The following SYT1 variants were observed in gnomAD, a reference collection of about 807,000 sequenced individuals.
The protein encoded by SYT1 is synaptotagmin-1.
Under a neutral mutation model 44.8 loss-of-function variants are expected in SYT1, and 8 were observed. That is an observed-to-expected ratio of 0.18 (90% CI 0.10 to 0.32). The LOEUF is 0.32. Among genes scored for constraint, SYT1 ranks in the 10% least tolerant of loss-of-function variants. The pLI is 1.00. For synonymous variants in SYT1, 154 were observed against 188.8 expected (o/e 0.82, Z 1.51); for missense variants, 286 against 509.3 (o/e 0.56, Z 4.22).
intron 8 of SYT1, among the ~76,000 whole-genome samples, chr12:79,325,539 C>G (rs1235362967): frequency 6.6e-6 from 1 of 152,148 alleles, no homozygotes; most frequent in Non-Finnish European, 1.5e-5. Flanking sequence ...TAGATGCCAG[C>G]TTTGAGTAAT....
At chr12:79,431,615 C>T (rs985766232) in intron 9 of SYT1, among the ~76,000 whole-genome samples, 31 of 151,582 alleles carry the variant, frequency 2.0e-4, no homozygotes, top group Middle Eastern at 3.4e-3. Flanking sequence ...ACAATCTTGG[C>T]TCACTGCAAC....
At chr12:78,941,065 C>CTTTTTTTTTTTTTTTTTTTTTTTTTTTT (rs398044555) in intron 1 of SYT1, among the ~76,000 whole-genome samples, 2 of 68,442 alleles carry the variant, frequency 2.9e-5, no homozygotes, top group Non-Finnish European at 2.9e-5. Flanking sequence ...CTTTTTTTTT[C>CTTTTTTTTTTTTTTTTTTTTTTTTTTTT]TTTTTTTTTT....
At chr12:78,965,889 C>A (rs1879743099) in intron 1 of SYT1, among the ~76,000 whole-genome samples, 1 of 151,782 alleles carries the variant, frequency 6.6e-6, no homozygotes, top group Non-Finnish European at 1.5e-5. Context: ...CCAGCCTGAC[C>A]AAGATGTTGA....
intron 3 of SYT1, among the ~76,000 whole-genome samples, chr12:79,081,155 C>G (rs745543307): frequency 6.6e-6 from 1 of 152,098 alleles, no homozygotes; most frequent in Non-Finnish European, 1.5e-5. Flanking sequence ...ATATCAAAAG[C>G]TATTGTGTGC....
At chr12:79,368,846 G>T (rs1883667768) in intron 9 of SYT1, among the ~76,000 whole-genome samples, 1 of 152,166 alleles carries the variant, frequency 6.6e-6, no homozygotes, top group South Asian at 2.1e-4. Flanking sequence ...CATTCTGTAG[G>T]TTGCCTGTTC....
intron 9 of SYT1, among the ~76,000 whole-genome samples, chr12:79,407,542 T>G (rs1885286292): frequency 6.6e-6 from 1 of 152,090 alleles, no homozygotes; most frequent in Non-Finnish European, 1.5e-5. Flanking sequence ...GTCATACCAT[T>G]GGGATAGCTC....
At chr12:79,014,699 T>C (rs1217852836) in intron 2 of SYT1, among the ~76,000 whole-genome samples, 7 of 150,250 alleles carry the variant, frequency 4.7e-5, no homozygotes, top group Admixed American at 1.3e-4. Context: ...GACCCAGCCA[T>C]CCTATTACTG....
At chr12:79,123,809 A>G (rs1197241546) in intron 3 of SYT1, among the ~76,000 whole-genome samples, 1 of 152,192 alleles carries the variant, frequency 6.6e-6, no homozygotes, top group African/African-American at 2.4e-5. Context: ...AAATTAACAA[A>G]TATTAGTTCT....
chr12:79,090,665 A>G (rs1877712938), intron 3 of SYT1, among the ~76,000 whole-genome samples: 1 of 152,036 alleles, frequency 6.6e-6, no homozygotes, highest in Admixed American at 6.6e-5. Flanking sequence ...ATACAAATTT[A>G]TTACATGCAC....
intron 9 of SYT1, among the ~76,000 whole-genome samples, chr12:79,443,058 G>A (rs577676260): frequency 1.3e-5 from 2 of 152,268 alleles, no homozygotes; most frequent in South Asian, 4.1e-4. Flanking sequence ...TCATCCATTA[G>A]TAATGGGAGC....
intron 1 of SYT1, among the ~76,000 whole-genome samples, chr12:78,920,305 A>G (rs989120766): frequency 5.9e-5 from 9 of 152,026 alleles, no homozygotes; most frequent in Non-Finnish European, 1.3e-4. Flanking sequence ...GATAAGAAAT[A>G]AAGTTATAGA....
intron 1 of SYT1, among the ~76,000 whole-genome samples, chr12:78,909,160 A>T (rs1183710827): frequency 1.3e-5 from 2 of 151,842 alleles, no homozygotes; most frequent in Non-Finnish European, 2.9e-5. Context: ...TTGTGCTCCC[A>T]TTCACAATTT....
intron 1 of SYT1, among the ~76,000 whole-genome samples, chr12:78,918,553 G>C (rs10082846): frequency 0.093 from 14,103 of 151,978 alleles, 1,080 homozygotes; most frequent in African/African-American, 0.21. Context: ...GATATGTATG[G>C]GAAAGGCAGA....
chr12:78,865,498 C>T (rs1432233273), intron 1 of SYT1, among the ~76,000 whole-genome samples: 1 of 151,748 alleles, frequency 6.6e-6, no homozygotes, highest in African/African-American at 2.4e-5. Context: ...AGAGGATTGC[C>T]TTTCTTAGAG....
At chr12:79,344,160 CA>C (rs1480624151) in intron 8 of SYT1, among the ~76,000 whole-genome samples, 2 of 152,206 alleles carry the variant, frequency 1.3e-5, no homozygotes, top group African/African-American at 4.8e-5. Flanking sequence ...TCACCTCCTT[CA>C]AATCCTTCTT....
chr12:79,037,961 G>A (rs1238313687), intron 2 of SYT1, among the ~76,000 whole-genome samples: 2 of 151,646 alleles, frequency 1.3e-5, no homozygotes, highest in East Asian at 3.9e-4. Flanking sequence ...AATGAAAATG[G>A]CATTTTATTT....
intron 1 of SYT1, among the ~76,000 whole-genome samples, chr12:78,929,829 T>C (rs1032669234): frequency 3.3e-5 from 5 of 152,210 alleles, no homozygotes; most frequent in Non-Finnish European, 7.3e-5. Context: ...TGGTTTTGTA[T>C]GTATGATTTT....
chr12:79,110,752 G>T (rs1189340537), intron 3 of SYT1, among the ~76,000 whole-genome samples: 6 of 152,136 alleles, frequency 3.9e-5, no homozygotes, highest in Admixed American at 3.9e-4. Context: ...AAATAGAAGT[G>T]CATGGAAAGA....
chr12:79,144,546 C>A (rs1262699712), intron 3 of SYT1, among the ~76,000 whole-genome samples: 1 of 152,190 alleles, frequency 6.6e-6, no homozygotes, highest in Non-Finnish European at 1.5e-5. Context: ...GTACAATTCC[C>A]ATTTACAAAC....
Sources: allele counts gnomAD v4.1 joint callset (sites outside exome capture counted in the v4.1 genomes callset), GRCh38; gene constraint gnomAD v4.1.1; transcripts MANE v1.5; gene names NCBI Gene and HGNC (gene_info 2026-07-23, HGNC 2026-07-21).